The following TTLL1 variants were observed in gnomAD, a reference collection of about 807,000 sequenced individuals.
TTLL1 encodes TTL family tubulin polyglutamylase complex subunit L1, also known as polyglutamylase complex subunit TTLL1.
A neutral mutation model predicts 47.8 loss-of-function variants in TTLL1; 33 were observed. That is an observed-to-expected ratio of 0.69 (90% confidence interval 0.52 to 0.92). TTLL1 has a LOEUF of 0.92. Ranked by LOEUF, TTLL1 falls within the 40% of genes least tolerant of loss-of-function variation. The probability of loss-of-function intolerance (pLI) is 0.00; values close to 1 mark genes in which losing one functional copy is unlikely to be tolerated. For missense variants in TTLL1, 488 were observed against 547.5 expected, an observed-to-expected ratio of 0.89 and a Z score of 1.08; for synonymous variants, 225 against 214.1, an observed-to-expected ratio of 1.05 and a Z score of -0.45.
intron 2 of TTLL1, among the ~76,000 whole-genome samples, chr22:43,078,883 G>A (rs34928569): frequency 1.7e-4 from 24 of 138,522 alleles, no homozygotes; most frequent in Middle Eastern, 4.9e-3. Flanking sequence ...CACGGGAGCC[G>A]CACCCCAGAG....
Position 43,068,541 on chromosome 22 carries a change from T to C in TTLL1, c.372A>G (p.Val124=). The C allele has an allele frequency of 6.4e-7, 1 of 1,561,504 alleles. No individual in the cohort carries two copies. Among genetic ancestry groups the C allele is most frequent in the East Asian group, 2.3e-5 (1 of 43,652 alleles). ...YMLPADYNLF[V]EEFRKSPSST... ...TGGACGGGCTCTTCCGGAACTCCTC[T>C]ACAAACAGGTTGTAGTCAGCGGGCA... is the stretch of plus-strand genomic sequence containing the variant. Residue 124 remains valine (V), a synonymous_variant, in exon 5 of 11, where the codon GTA becomes GTG. Transcript: ENST00000266254.
intron 10 of TTLL1, chr22:43,041,348 A>T (rs564785591): frequency 6.6e-6 from 1 of 152,202 alleles, no homozygotes; most frequent in South Asian, 2.1e-4. Flanking sequence ...GCTGAGTGCT[A>T]ATCATGTGGA....
At chr22:43,067,966 G>C (rs1468057047) in intron 5 of TTLL1, among the ~76,000 whole-genome samples, 1 of 137,336 alleles carries the variant, frequency 7.3e-6, no homozygotes, top group African/African-American at 3.0e-5. Flanking sequence ...ACCTCACCTG[G>C]CTAATTTTTT....
intron 9 of TTLL1, among the ~76,000 whole-genome samples, chr22:43,047,208 G>A (rs1010749889): frequency 5.9e-5 from 9 of 152,118 alleles, no homozygotes; most frequent in African/African-American, 2.2e-4. Context: ...GCCCCACAAG[G>A]GTTTGTTAGA....
chr22:43,088,902 T>C (rs1739311210), intron 1 of TTLL1, among the ~76,000 whole-genome samples: 1 of 152,158 alleles, frequency 6.6e-6, no homozygotes, highest in African/African-American at 2.4e-5. Context: ...AAGGCTCTTG[T>C]CTCCTGCCCT....
chr22:43,053,350 G>A (rs1195854591), intron 8 of TTLL1, among the ~76,000 whole-genome samples: 2 of 152,220 alleles, frequency 1.3e-5, no homozygotes, highest in Non-Finnish European at 1.5e-5. Context: ...CTGAGAGAAA[G>A]GGAGGCTCTT....
chr22:43,039,981 G>A, intron 10 of TTLL1, 76 bp from the exon 11 acceptor site: 3 of 1,535,204 alleles, frequency 2.0e-6, no homozygotes, highest in South Asian at 1.2e-5. Context: ...GCTGCTGTGT[G>A]GCAAATATGA....
intron 1 of TTLL1, among the ~76,000 whole-genome samples, chr22:43,084,962 C>CTTTTTTTTTTTT (rs148980685): frequency 3.5e-5 from 4 of 112,752 alleles, no homozygotes; most frequent in South Asian, 3.3e-4. Context: ...AAGCTGCCAC[C>CTTTTTTTTTTTT]TTTTTTTTTT....
intron 4 of TTLL1, 96 bp downstream of exon 4, chr22:43,069,540 G>A (rs150880137): frequency 1.5e-5 from 24 of 1,562,288 alleles, no homozygotes; most frequent in East Asian, 9.2e-5. Context: ...ACATGCTCAC[G>A]CATCAAAGCC....
At chr22:43,067,230 T>C (rs1927797745) in intron 5 of TTLL1, among the ~76,000 whole-genome samples, 1 of 152,224 alleles carries the variant, frequency 6.6e-6, no homozygotes, top group Non-Finnish European at 1.5e-5. Context: ...GCCCATCGGC[T>C]GTGCCCGGCT....
At chr22:43,072,446 G>A (rs141964942) in intron 3 of TTLL1, among the ~76,000 whole-genome samples, 5 of 151,570 alleles carry the variant, frequency 3.3e-5, no homozygotes, top group South Asian at 2.1e-4. Flanking sequence ...GAGCCACCGC[G>A]CCTGGCCACC....
In TTLL1 at chr22:43,039,816, G is replaced by T. The variant is rs116153895; in HGVS notation, c.1232C>A (p.Ser411Ter). 11 of 1,613,936 alleles carry T rather than the reference G, an allele frequency of 6.8e-6. No homozygotes were observed. The highest frequency in any genetic ancestry group is 9.3e-6 in the Non-Finnish European group (11 of 1,179,932). The change falls in exon 11 of 11, where the codon TCG (serine) becomes TAG (stop). Residue 411 changes from serine to a stop codon, truncating the protein, a stop_gained. Transcript: ENST00000266254. LOFTEE classifies it high-confidence loss of function. ...GAGGACCGCTCTCCCCGAGTCTCTC[G>T]ATCGGCCTGCTCTGGGCCCCAGAGA... The part of the protein sequence containing the change: ...GQSLGPRAGR[S>*]RDSGRAVLTT...
chr22:43,068,334 A>C lies in TTLL1; in HGVS notation c.503+76T>G. 8.4e-6 allele frequency: 11 copies of C among 1,302,334 alleles called. No homozygotes were observed. The South Asian group carries it at 2.1e-4, about 25-fold the overall frequency. The allele number at this position is 1,302,334 out of a possible 1,614,324, so 80.7% of individuals were successfully genotyped here. A position where few individuals can be genotyped will look rare whatever the true frequency, so the allele number is the denominator to read the frequency against. The stretch of plus-strand genomic sequence containing the variant: ...TCTGTCAAAAAAAAACCAAACAAAA[A>C]CCCACAAAGACTGCGAACAGCATAA... On this transcript the variant is annotated intron_variant, in intron 5 of 10. Transcript: ENST00000266254.
chr22:43,089,122 G>A (rs969892709), intron 1 of TTLL1, among the ~76,000 whole-genome samples, 155 bp downstream of exon 1: 6 of 152,202 alleles, frequency 3.9e-5, no homozygotes, highest in East Asian at 1.9e-4. Context: ...CGGGCTTCCT[G>A]GAGGACGCGG....
At chr22:43,060,148 C>T (rs1927303160) in intron 7 of TTLL1, among the ~76,000 whole-genome samples, 1 of 152,180 alleles carries the variant, frequency 6.6e-6, no homozygotes. Flanking sequence ...TTAAAATGCT[C>T]ATCTCCCTAA....
chr22:43,064,391 A>C (rs1367864577), intron 5 of TTLL1, 67 bp from the exon 6 acceptor site: 1 of 1,533,976 alleles, frequency 6.5e-7, no homozygotes. Flanking sequence ...CAATCCAAGA[A>C]AGGAATAACT....
intron 7 of TTLL1, 40 bp from the exon 8 acceptor site, chr22:43,059,567 C>A: frequency 1.3e-6 from 2 of 1,592,424 alleles, no homozygotes; most frequent in South Asian, 2.3e-5. Context: ...TCAGGCTATG[C>A]ACCCCAGAGG....
Position 43,059,510 on chromosome 22 carries a change from G to T in TTLL1, c.765C>A (p.Ile255=). 2 of 1,613,532 alleles carry T rather than the reference G, an allele frequency of 1.2e-6. No homozygotes were observed. Among genetic ancestry groups the T allele is most frequent in the Non-Finnish European group, 1.7e-6 (2 of 1,179,766 alleles). The change falls in exon 8 of 11, where the codon ATC becomes ATA. Residue 255 remains isoleucine, a synonymous_variant. Coordinates refer to ENST00000266254, the MANE Select transcript of TTLL1 (RefSeq NM_012263.5). The stretch of plus-strand genomic sequence containing the variant: ...TACTCACTGTCCACTTGCCCCCATG[G>T]ATGTGGTTGTAGTCCTCCTGGTGAC... ...IQKHGEDYNH[I]HGGKWTVSNL... is the part of the protein sequence containing the mutation.
At chr22:43,053,696 G>T in intron 8 of TTLL1, among the ~76,000 whole-genome samples, 1 of 152,188 alleles carries the variant, frequency 6.6e-6, no homozygotes, top group Admixed American at 6.6e-5. Context: ...ACCAGGTGAT[G>T]AAATATTTGC....
Sources: gnomAD v4.1 joint callset for allele counts (sites outside exome capture counted in the v4.1 genomes callset) on GRCh38, gnomAD v4.1.1 for gene constraint, MANE v1.5 for transcripts, NCBI Gene and HGNC (gene_info 2026-07-23, HGNC 2026-07-21) for gene names.